The following SDK1 variants were observed in gnomAD, a reference collection of about 807,000 sequenced individuals.
SDK1 encodes the protein sidekick cell adhesion molecule 1.
Under a neutral mutation model 245.5 loss-of-function variants are expected in SDK1, and 157 were observed. The observed-to-expected ratio is 0.64, with a 90% CI of 0.56 to 0.73. The LOEUF (loss-of-function observed/expected upper bound fraction) is 0.73, where lower values mean the gene tolerates loss of function less well. SDK1 is among the 30% of genes least tolerant of loss of function. The pLI, the probability that SDK1 is intolerant of heterozygous loss-of-function variation, is 0.00. For synonymous variants in SDK1, 1,647 were observed against 1,278.5 expected (o/e 1.29, Z -6.15); for missense variants, 3,583 against 3,002.3 (o/e 1.19, Z -4.52).
At chr7:3,746,268 A>G (rs1255290173) in intron 4 of SDK1, among the ~76,000 whole-genome samples, 1 of 152,254 alleles carries the variant, frequency 6.6e-6, no homozygotes, top group Non-Finnish European at 1.5e-5. Context: ...ATTTTAAAAT[A>G]TAATAGCAAT....
In SDK1 at chr7:3,506,165, C is replaced by G. The variant is rs148790566; in HGVS notation, c.299-112915C>G. Among the ~76,000 whole-genome samples the G allele has an allele frequency of 1.3e-3, 202 of 152,098 alleles. 3 individuals are homozygous for G. The East Asian group carries it at 0.029, about 22-fold the overall frequency. ...TTGTAGCTTTTCTTGCAGTTCACATCTTCTGACAACTAGTTCTCTCAGATT... is the reference window on the plus strand; with the variant it reads ...TTGTAGCTTTTCTTGCAGTTCACATGTTCTGACAACTAGTTCTCTCAGATT... On this transcript the variant is annotated intron_variant, in intron 1 of 44. Coordinates refer to ENST00000404826, the MANE Select transcript of SDK1 (RefSeq NM_152744.4).
At chr7:3,507,811 A>G (rs7794138) in intron 1 of SDK1, among the ~76,000 whole-genome samples, 14,422 of 152,150 alleles carry the variant, frequency 0.095, 975 homozygotes, top group African/African-American at 0.19. Flanking sequence ...TTAAACCGCC[A>G]TATCTGGACC....
At chr7:3,947,007 T>A (rs1438652460) in intron 5 of SDK1, among the ~76,000 whole-genome samples, 1 of 152,254 alleles carries the variant, frequency 6.6e-6, no homozygotes, top group Non-Finnish European at 1.5e-5. Context: ...ATTTGCCAAT[T>A]TTAGACGTTA....
At chr7:3,513,199 C>A (rs1782637555) in intron 1 of SDK1, among the ~76,000 whole-genome samples, 1 of 152,128 alleles carries the variant, frequency 6.6e-6, no homozygotes, top group African/African-American at 2.4e-5. Flanking sequence ...TTTTTCAGTT[C>A]TCCCAGCACC....
chr7:3,361,029 T>TC (rs1435388511), intron 1 of SDK1, among the ~76,000 whole-genome samples: 1 of 152,202 alleles, frequency 6.6e-6, no homozygotes, highest in Non-Finnish European at 1.5e-5. Flanking sequence ...CCATCATCTT[T>TC]CCCCTTTGGT....
intron 4 of SDK1, among the ~76,000 whole-genome samples, chr7:3,692,642 A>G (rs892795196): frequency 3.3e-5 from 5 of 152,126 alleles, no homozygotes; most frequent in African/African-American, 4.8e-5. Context: ...TATTTAGTCT[A>G]CTAGATAATC....
At chr7:3,558,516 C>T (rs1779656846) in intron 1 of SDK1, among the ~76,000 whole-genome samples, 1 of 152,176 alleles carries the variant, frequency 6.6e-6, no homozygotes, top group African/African-American at 2.4e-5. Context: ...TACACTTTTC[C>T]AGTCACTGGG....
rs567447095 is a variant in SDK1, at chr7:3,785,947, A to G, written c.714-35503A>G. Among the ~76,000 whole-genome samples, 5 of 152,358 alleles carry G rather than the reference A, an allele frequency of 3.3e-5. No individual in the cohort carries two copies. The East Asian group carries it at 9.6e-4, about 29-fold the overall frequency. On this transcript the variant is annotated intron_variant, in intron 4 of 44. Transcript: ENST00000404826. ...AATGTGGTCTTTATTTCAAATTAAC[A>G]GTTTTAGCGATTGCTTGCTTTTATT...
intron 30 of SDK1, among the ~76,000 whole-genome samples, chr7:4,151,384 A>G (rs1446800064): frequency 6.6e-6 from 1 of 152,210 alleles, no homozygotes; most frequent in East Asian, 1.9e-4. Context: ...GCTTGTTTCC[A>G]GCAAGGCCAG....
intron 29 of SDK1, among the ~76,000 whole-genome samples, chr7:4,148,751 G>A (rs988409100): frequency 3.9e-5 from 6 of 152,186 alleles, no homozygotes; most frequent in Non-Finnish European, 7.3e-5. Context: ...TAGTGCATCC[G>A]AAGTCAGCCT....
chr7:3,449,621 A>C (rs1780450648), intron 1 of SDK1, among the ~76,000 whole-genome samples: 1 of 152,258 alleles, frequency 6.6e-6, no homozygotes, highest in South Asian at 2.1e-4. Context: ...ATAAGGAAAT[A>C]TAATGTGCTA....
rs187531598 is a variant in SDK1, at chr7:3,762,367, G to A, written c.714-59083G>A. Among the ~76,000 whole-genome samples the A allele has an allele frequency of 5.0e-4, 76 of 152,260 alleles. 2 individuals carry two copies. In the South Asian group the frequency reaches 0.016, roughly 31 times the overall value. ...TGGATAGTCCTGCAGGATGAAGGGCGGCTCTGCGCCCTCATAGATCTCCTG... is the reference window on the plus strand; with the variant it reads ...TGGATAGTCCTGCAGGATGAAGGGCAGCTCTGCGCCCTCATAGATCTCCTG... On this transcript the variant is annotated intron_variant, in intron 4 of 44. Coordinates refer to ENST00000404826, the MANE Select transcript of SDK1 (RefSeq NM_152744.4).
At chr7:3,894,067 A>G (rs1426277114) in intron 5 of SDK1, among the ~76,000 whole-genome samples, 1 of 152,176 alleles carries the variant, frequency 6.6e-6, no homozygotes, top group African/African-American at 2.4e-5. Flanking sequence ...GAGATTCCCC[A>G]TTCTAAATAT....
intron 1 of SDK1, among the ~76,000 whole-genome samples, chr7:3,356,772 C>T (rs924039377): frequency 2.0e-5 from 3 of 151,954 alleles, no homozygotes; most frequent in African/African-American, 4.8e-5. Context: ...ATACATCTTT[C>T]TGAGGCCAGG....
At chr7:4,122,276 T>TA (rs1340574077) in intron 25 of SDK1, among the ~76,000 whole-genome samples, 4 of 152,150 alleles carry the variant, frequency 2.6e-5, no homozygotes, top group Admixed American at 2.6e-4. Flanking sequence ...ATCTGAAACT[T>TA]ACTCTCCCCA....
intron 5 of SDK1, among the ~76,000 whole-genome samples, chr7:3,844,543 G>C (rs1473973137): frequency 1.3e-5 from 2 of 152,178 alleles, no homozygotes; most frequent in African/African-American, 2.4e-5. Context: ...GCCCCAGATG[G>C]ACAACTGCCT....
At chr7:3,625,924 T>G (rs1350469625) in intron 2 of SDK1, among the ~76,000 whole-genome samples, 2 of 146,156 alleles carry the variant, frequency 1.4e-5, no homozygotes, top group South Asian at 4.4e-4. Flanking sequence ...GAAGGATTTT[T>G]CTTTCTTTCT....
intron 5 of SDK1, among the ~76,000 whole-genome samples, chr7:3,852,644 G>T (rs1421262501): frequency 1.3e-5 from 2 of 150,330 alleles, no homozygotes; most frequent in Admixed American, 6.6e-5. Flanking sequence ...CCAGCTACTC[G>T]GGAGGCTGAG....
chr7:3,729,349 G>A (rs893920713), intron 4 of SDK1, among the ~76,000 whole-genome samples: 4 of 152,170 alleles, frequency 2.6e-5, no homozygotes, highest in South Asian at 2.1e-4. Context: ...TTGCTCTAGC[G>A]CTGTATTCCT....
Sources: gnomAD v4.1 joint callset for allele counts (sites outside exome capture counted in the v4.1 genomes callset) on GRCh38, gnomAD v4.1.1 for gene constraint, MANE v1.5 for transcripts, NCBI Gene and HGNC (gene_info 2026-07-23, HGNC 2026-07-21) for gene names.